The following OLA1 variants were observed in gnomAD, a reference collection of about 807,000 sequenced individuals.
OLA1 encodes obg-like ATPase 1.
Under a neutral mutation model 48.4 loss-of-function variants are expected in OLA1, and 14 were observed. The ratio of observed to expected loss-of-function variants is 0.29; its 90% confidence interval spans 0.19 to 0.45. OLA1 has a LOEUF of 0.45. Ranked by LOEUF, OLA1 falls within the 20% of genes least tolerant of loss-of-function variation. The pLI is 1.00. For missense variants in OLA1, 325 were observed against 467.1 expected (o/e 0.70, Z 2.80); for synonymous variants, 127 against 150.4 (o/e 0.84, Z 1.14).
intron 4 of OLA1, among the ~76,000 whole-genome samples, chr2:174,209,353 G>A (rs1260354218): frequency 2.0e-5 from 3 of 152,056 alleles, no homozygotes; most frequent in African/African-American, 4.8e-5. Context: ...TCTGATATAT[G>A]ACTAATTTTA....
intron 4 of OLA1, among the ~76,000 whole-genome samples, chr2:174,171,088 C>T (rs1687290426): frequency 6.6e-6 from 1 of 152,084 alleles, no homozygotes; most frequent in Non-Finnish European, 1.5e-5. Context: ...GCATAATATA[C>T]ACATAATGTG....
intron 3 of OLA1, among the ~76,000 whole-genome samples, chr2:174,226,788 T>G (rs1157247137): frequency 6.6e-6 from 1 of 152,180 alleles, no homozygotes; most frequent in Non-Finnish European, 1.5e-5. Context: ...CTTGAGCCAC[T>G]GCACACGGCC....
intron 4 of OLA1, among the ~76,000 whole-genome samples, chr2:174,202,319 C>T (rs941957050): frequency 6.6e-6 from 1 of 152,180 alleles, no homozygotes; most frequent in Non-Finnish European, 1.5e-5. Flanking sequence ...CCATACTGTA[C>T]TACCATAATA....
In OLA1 at chr2:174,203,799, AT is replaced by A. The variant is rs35167847; in HGVS notation, c.373+19233del. Among the ~76,000 whole-genome samples the A allele has an allele frequency of 2.4e-3, 336 of 142,836 alleles. 1 individual carries two copies. The South Asian group carries it at 0.024, about 10-fold the overall frequency. 93.7% of individuals were successfully genotyped at this position (142,836 alleles called of 152,430 possible). On this transcript the variant is annotated intron_variant, in intron 4 of 10. Coordinates refer to ENST00000284719, the MANE Select transcript of OLA1 (RefSeq NM_013341.5). Reference sequence around the variant, plus strand: ...TTTACAGTTGGTTAAACGGAGTAGGATTTTTTTTTTTTTTTGACAGAGTCTC... The same window carrying A: ...TTTACAGTTGGTTAAACGGAGTAGGATTTTTTTTTTTTTTGACAGAGTCTC...
chr2:174,088,149 A>G (rs1685025935), intron 7 of OLA1, among the ~76,000 whole-genome samples: 1 of 152,236 alleles, frequency 6.6e-6, no homozygotes, highest in African/African-American at 2.4e-5. Flanking sequence ...TGGTTAATTA[A>G]GTAACGTAGC....
chr2:174,152,553 C>T (rs1273606736), intron 4 of OLA1, among the ~76,000 whole-genome samples: 1 of 152,092 alleles, frequency 6.6e-6, no homozygotes, highest in Non-Finnish European at 1.5e-5. Context: ...CAAGATTCCA[C>T]TCAAAAAGAT....
At chr2:174,090,750 C>G (rs1685096066) in intron 7 of OLA1, among the ~76,000 whole-genome samples, 1 of 152,198 alleles carries the variant, frequency 6.6e-6, no homozygotes, top group Non-Finnish European at 1.5e-5. Context: ...AGGAGACAAA[C>G]TACCTCGGGT....
In OLA1 at chr2:174,248,501, G is replaced by A. The variant is rs1286083545; in HGVS notation, c.-50C>T. On this transcript the variant is annotated 5_prime_UTR_variant, in exon 1 of 11. Transcript: ENST00000284719. ...GGGGTCCCAGCGGCAGCGAGAGAAA[G>A]GTCCTGCCGGCAGCTGGAGGCGGGG... 1 of 165,842 alleles carries A rather than the reference G, an allele frequency of 6.0e-6. No homozygotes were observed. The highest frequency in any genetic ancestry group is 2.4e-5 in the African/African-American group (1 of 41,472). The allele number at this position is 165,842 out of a possible 1,614,324, so 10.3% of individuals were successfully genotyped here.
chr2:174,171,505 G>A (rs1411270334), intron 4 of OLA1, among the ~76,000 whole-genome samples: 1 of 151,980 alleles, frequency 6.6e-6, no homozygotes, highest in African/African-American at 2.4e-5. Context: ...ATACACAAAC[G>A]TTTTAAGAAT....
At chr2:174,143,619 C>T (rs1364656804) in intron 4 of OLA1, among the ~76,000 whole-genome samples, 2 of 152,238 alleles carry the variant, frequency 1.3e-5, no homozygotes, top group Admixed American at 6.5e-5. Flanking sequence ...AATGCATTAG[C>T]AGGTTTTAAA....
At chr2:174,235,145 C>T (rs939571412) in intron 2 of OLA1, among the ~76,000 whole-genome samples, 7 of 151,924 alleles carry the variant, frequency 4.6e-5, no homozygotes, top group Admixed American at 1.3e-4. Context: ...GGCAACAGAG[C>T]GAGACTTTGT....
At chr2:174,193,083 C>A (rs1029009258) in intron 4 of OLA1, among the ~76,000 whole-genome samples, 1 of 121,154 alleles carries the variant, frequency 8.3e-6, no homozygotes, top group Non-Finnish European at 1.7e-5. Context: ...TAAAATATTT[C>A]TTTCTTTCTT....
At chr2:174,182,942 C>G (rs1687580739) in intron 4 of OLA1, among the ~76,000 whole-genome samples, 1 of 152,220 alleles carries the variant, frequency 6.6e-6, no homozygotes, top group Non-Finnish European at 1.5e-5. Context: ...CAGAATCTCA[C>G]TGTTTGTCAA....
chr2:174,189,614 T>G (rs1303125975), intron 4 of OLA1, among the ~76,000 whole-genome samples: 1 of 152,144 alleles, frequency 6.6e-6, no homozygotes, highest in Non-Finnish European at 1.5e-5. Context: ...TGCAAAAATA[T>G]GCAGGTTTAA....
intron 4 of OLA1, among the ~76,000 whole-genome samples, chr2:174,207,938 C>G (rs1035852350): frequency 6.6e-6 from 1 of 152,110 alleles, no homozygotes; most frequent in African/African-American, 2.4e-5. Context: ...ACAGTATTGG[C>G]CCAATGCAAA....
At chr2:174,192,199 G>A (rs1217845922) in intron 4 of OLA1, among the ~76,000 whole-genome samples, 1 of 152,078 alleles carries the variant, frequency 6.6e-6, no homozygotes, top group Non-Finnish European at 1.5e-5. Flanking sequence ...CCACCTTTAA[G>A]TGATATTATA....
intron 2 of OLA1, among the ~76,000 whole-genome samples, chr2:174,242,606 A>C (rs574786421): frequency 6.6e-6 from 1 of 152,266 alleles, no homozygotes; most frequent in South Asian, 2.1e-4. Flanking sequence ...CACTATACCA[A>C]GCTATGACTG....
chr2:174,121,623 A>G (rs1014248209), intron 7 of OLA1, among the ~76,000 whole-genome samples: 16 of 152,164 alleles, frequency 1.1e-4, no homozygotes, highest in African/African-American at 3.4e-4. Flanking sequence ...ATACCTCTAC[A>G]TTATTATAAA....
intron 4 of OLA1, among the ~76,000 whole-genome samples, chr2:174,197,554 T>C (rs1451321766): frequency 1.3e-5 from 2 of 152,118 alleles, no homozygotes; most frequent in African/African-American, 2.4e-5. Flanking sequence ...AATTTTTGAT[T>C]AGGAATGAAT....
Sources: allele counts gnomAD v4.1 joint callset (sites outside exome capture counted in the v4.1 genomes callset), GRCh38; gene constraint gnomAD v4.1.1; transcripts MANE v1.5; gene names NCBI Gene and HGNC (gene_info 2026-07-23, HGNC 2026-07-21).